The following TMEM132B variants were observed in gnomAD, a reference collection of about 807,000 sequenced individuals.
The protein encoded by TMEM132B is transmembrane protein 132B.
Under a neutral mutation model 90.8 loss-of-function variants are expected in TMEM132B, and 18 were observed. That is an observed-to-expected ratio of 0.20 (90% CI 0.14 to 0.29). TMEM132B has a LOEUF of 0.29. Among genes scored for constraint, TMEM132B ranks in the 10% least tolerant of loss-of-function variants. The pLI is 1.00. For missense variants in TMEM132B, 1,096 were observed against 1,326.8 expected (o/e 0.83, Z 2.70); for synonymous variants, 504 against 523.3 (o/e 0.96, Z 0.50).
chr12:125,510,129 A>G (rs939572119), intron 3 of TMEM132B, among the ~76,000 whole-genome samples: 9 of 152,166 alleles, frequency 5.9e-5, no homozygotes, highest in Non-Finnish European at 1.2e-4. Context: ...AATTGTGGCA[A>G]TTGTCTTAGC....
chr12:125,289,529 C>A (rs990123499), intron 1 of TMEM132B, among the ~76,000 whole-genome samples: 1 of 152,210 alleles, frequency 6.6e-6, no homozygotes, highest in Non-Finnish European at 1.5e-5. Context: ...GGGTTCTACC[C>A]ACCCCTGTAT....
chr12:125,627,518 G>T (rs190969176), intron 5 of TMEM132B, among the ~76,000 whole-genome samples: 1 of 149,926 alleles, frequency 6.7e-6, no homozygotes, highest in Admixed American at 7.0e-5. Flanking sequence ...TAAGTTTGAG[G>T]GTTTTTTAAC....
intron 2 of TMEM132B, among the ~76,000 whole-genome samples, chr12:125,398,772 G>A (rs986477299): frequency 6.6e-6 from 1 of 152,134 alleles, no homozygotes; most frequent in African/African-American, 2.4e-5. Context: ...AAACTTAAAG[G>A]CTTAAAACAT....
intron 3 of TMEM132B, among the ~76,000 whole-genome samples, chr12:125,430,360 T>G (rs1880462941): frequency 6.6e-6 from 1 of 152,144 alleles, no homozygotes; most frequent in Non-Finnish European, 1.5e-5. Flanking sequence ...ATATGAAATG[T>G]GCAGGGAGCT....
rs560475427 is a variant in TMEM132B at position 125,416,228 on chromosome 12, C to T, written c.1106+551C>T. On this transcript the variant is annotated intron_variant, in intron 3 of 8. Transcript: ENST00000682704. ...TGTCACCTCACATCAGGACATCTGG[C>T]AGGTAGAAAGAACTCTCACCTGTGT... is the stretch of plus-strand genomic sequence containing the variant. Among the ~76,000 whole-genome samples, 7 of 152,224 alleles carry T rather than the reference C, an allele frequency of 4.6e-5. No homozygotes were observed. The South Asian group carries it at 1.5e-3, about 32-fold the overall frequency.
chr12:125,639,300 T>C (rs1280160021), intron 5 of TMEM132B, among the ~76,000 whole-genome samples: 1 of 152,254 alleles, frequency 6.6e-6, no homozygotes, highest in Non-Finnish European at 1.5e-5. Context: ...TCTCATAATA[T>C]ATGAAATCAC....
Position 125,654,937 on chromosome 12 carries a change from A to G in TMEM132B, c.*227A>G, listed in dbSNP as rs1755674473. The G allele has an allele frequency of 1.9e-6, 1 of 526,728 alleles. No homozygotes were observed. Among genetic ancestry groups the G allele is most frequent in the East Asian group, 3.2e-5 (1 of 31,080 alleles). 32.6% of individuals were successfully genotyped at this position (526,728 alleles called of 1,614,324 possible). A position where few individuals can be genotyped will look rare whatever the true frequency, so the allele number is the denominator to read the frequency against. ...ATGTGGGGACTGGAGAAATTCTAAG[A>G]CAACAGTTTTATGGACTGCCTGGTA... On this transcript the variant is annotated 3_prime_UTR_variant, in exon 9 of 9. Coordinates refer to ENST00000682704, the MANE Select transcript of TMEM132B (RefSeq NM_001366854.1). This position sits in a 1 kb window ranked among gnomAD's most constrained non-coding sequence, Gnocchi z 5.8.
intron 1 of TMEM132B, among the ~76,000 whole-genome samples, chr12:125,256,753 A>G (rs1342854106): frequency 6.6e-6 from 1 of 152,224 alleles, no homozygotes; most frequent in Non-Finnish European, 1.5e-5. Flanking sequence ...CACCAACCTA[A>G]TATTATAAAA....
chr12:125,221,123 G>C (rs1326990071), intron 1 of TMEM132B, among the ~76,000 whole-genome samples: 2 of 152,202 alleles, frequency 1.3e-5, no homozygotes, highest in Admixed American at 1.3e-4. Flanking sequence ...TGTTTTCATA[G>C]CATTTCTGTC....
In TMEM132B at chr12:125,445,960, C is replaced by T. The variant is rs988530202; in HGVS notation, c.1106+30283C>T. On this transcript the variant is annotated intron_variant, in intron 3 of 8. Coordinates refer to ENST00000682704, the MANE Select transcript of TMEM132B (RefSeq NM_001366854.1). This position sits in a 1 kb window ranked among gnomAD's most constrained non-coding sequence, Gnocchi z 4.3. The stretch of plus-strand genomic sequence containing the variant: ...GGGAGACAGCTCTGGGGTGGGCATC[C>T]CAGTGGAATTCTCTGCTATCCTGGG... Among the ~76,000 whole-genome samples, 1 of 152,164 alleles carries T rather than the reference C, an allele frequency of 6.6e-6. No individual in the cohort carries two copies. The highest frequency in any genetic ancestry group is 2.4e-5 in the African/African-American group (1 of 41,450).
At chr12:125,587,442 C>T (rs1334294008) in intron 5 of TMEM132B, 1 of 152,148 alleles carries the variant, frequency 6.6e-6, no homozygotes, top group Non-Finnish European at 1.5e-5. Flanking sequence ...AAAATTGTTA[C>T]TTAATTTGTT....
At chr12:125,546,382 C>T (rs1440821759) in intron 4 of TMEM132B, among the ~76,000 whole-genome samples, 3 of 151,968 alleles carry the variant, frequency 2.0e-5, no homozygotes, top group Non-Finnish European at 4.4e-5. Context: ...CGGGGTTTCA[C>T]CATGTTAGCT....
chr12:125,520,976 C>T (rs988956), intron 4 of TMEM132B, among the ~76,000 whole-genome samples: 30,429 of 152,126 alleles, frequency 0.2, 3,442 homozygotes, highest in Non-Finnish European at 0.26. Flanking sequence ...CCAATCTAGA[C>T]GGGGAAGTAC....
chr12:125,275,126 C>T (rs2136123750), intron 1 of TMEM132B, among the ~76,000 whole-genome samples: 1 of 152,236 alleles, frequency 6.6e-6, no homozygotes, highest in East Asian at 1.9e-4. Flanking sequence ...CGTCCCAAAC[C>T]CAGCTAACCC....
In TMEM132B at chr12:125,460,725, T is replaced by C. The variant is rs1881415035; in HGVS notation, c.1106+45048T>C. 6.6e-6 allele frequency among the ~76,000 whole-genome samples: 1 copy of C among 152,160 alleles called. No individual in the cohort carries two copies. Among genetic ancestry groups the C allele is most frequent in the Admixed American group, 6.5e-5 (1 of 15,284 alleles). ...CACTGGGGCCAGTGTCATCAGCGTG[T>C]GTATGTCATTGGCAGCCACTTCTTT... is the stretch of plus-strand genomic sequence containing the variant. On this transcript the variant is annotated intron_variant, in intron 3 of 8. Transcript: ENST00000682704. The surrounding 1 kb of genome is among the most constrained non-coding windows in gnomAD (Gnocchi z 4.4).
chr12:125,289,332 G>A (rs1169288739), intron 1 of TMEM132B, among the ~76,000 whole-genome samples: 2 of 152,176 alleles, frequency 1.3e-5, no homozygotes, highest in Non-Finnish European at 2.9e-5. Context: ...GTGGCACAAG[G>A]CACCCTTCTG....
At chr12:125,374,934 A>G (rs1878430916) in intron 2 of TMEM132B, among the ~76,000 whole-genome samples, 2 of 152,170 alleles carry the variant, frequency 1.3e-5, no homozygotes, top group Non-Finnish European at 2.9e-5. Flanking sequence ...TGCACAGCTG[A>G]AATCCATAAG....
intron 5 of TMEM132B, among the ~76,000 whole-genome samples, chr12:125,602,609 G>T (rs759053905): frequency 5.3e-5 from 8 of 152,162 alleles, no homozygotes; most frequent in Non-Finnish European, 7.3e-5. Context: ...GGAAGTTCTG[G>T]CCAGGGCGAT....
At chr12:125,264,235 C>G (rs1214088697) in intron 1 of TMEM132B, among the ~76,000 whole-genome samples, 2 of 152,224 alleles carry the variant, frequency 1.3e-5, no homozygotes, top group Non-Finnish European at 1.5e-5. Flanking sequence ...CTGCCTCCCT[C>G]TGATAAGTGC....
Sources: gnomAD v4.1 joint callset for allele counts (sites outside exome capture counted in the v4.1 genomes callset) on GRCh38, gnomAD v4.1.1 for gene constraint, Gnocchi (gnomAD v3.1) non-coding constraint, MANE v1.5 for transcripts, NCBI Gene and HGNC (gene_info 2026-07-23, HGNC 2026-07-21) for gene names.